OLA1: variants seen among roughly 807,000 people sequenced by gnomAD.
The protein encoded by OLA1 is obg-like ATPase 1.
Under a neutral mutation model 48.4 loss-of-function variants are expected in OLA1, and 14 were observed. The ratio of observed to expected loss-of-function variants is 0.29; its 90% CI spans 0.19 to 0.45. The LOEUF (loss-of-function observed/expected upper bound fraction) is 0.45. OLA1 is among the 20% of genes least tolerant of loss of function. The pLI, the probability that OLA1 is intolerant of heterozygous loss-of-function variation, is 1.00. For synonymous variants in OLA1, 127 were observed against 150.4 expected, an observed-to-expected ratio of 0.84 and a Z score of 1.14; for missense variants, 325 against 467.1, an observed-to-expected ratio of 0.70 and a Z score of 2.80.
chr2:174,198,694 T>C (rs1178413558), intron 4 of OLA1, among the ~76,000 whole-genome samples: 1 of 152,078 alleles, frequency 6.6e-6, no homozygotes, highest in Admixed American at 6.5e-5. Flanking sequence ...GGCACAAGAA[T>C]TGCTTGAACC....
intron 2 of OLA1, among the ~76,000 whole-genome samples, chr2:174,230,470 T>G (rs374258484): frequency 1.9e-4 from 29 of 152,322 alleles, no homozygotes; most frequent in African/African-American, 6.3e-4. Context: ...AGCACCATTC[T>G]GCATCCCCTA....
intron 7 of OLA1, among the ~76,000 whole-genome samples, chr2:174,112,786 G>A (rs1184201937): frequency 2.0e-5 from 3 of 152,002 alleles, no homozygotes. Flanking sequence ...AGGCTTCCTG[G>A]GCTCCAGAAC....
intron 7 of OLA1, among the ~76,000 whole-genome samples, chr2:174,093,002 C>G (rs1382548686): frequency 1.3e-5 from 2 of 152,222 alleles, no homozygotes; most frequent in African/African-American, 4.8e-5. Context: ...ACTTTTAGAT[C>G]ATTCCCGAAT....
At chr2:174,088,877 A>AAAATAAATAAATAAAT (rs5836449) in intron 7 of OLA1, among the ~76,000 whole-genome samples, 4 of 148,042 alleles carry the variant, frequency 2.7e-5, no homozygotes, top group Non-Finnish European at 4.4e-5. Context: ...TCCTGTCTCA[A>AAAATAAATAAATAAAT]AAATAAATAA....
At chr2:174,239,888 T>C (rs985399553) in intron 2 of OLA1, among the ~76,000 whole-genome samples, 1 of 148,150 alleles carries the variant, frequency 6.7e-6, no homozygotes, top group Non-Finnish European at 1.5e-5. Flanking sequence ...AGCGAGACTC[T>C]ATCTCAAAAA....
intron 4 of OLA1, among the ~76,000 whole-genome samples, chr2:174,213,106 T>C (rs927695697): frequency 1.3e-5 from 2 of 152,144 alleles, no homozygotes; most frequent in Admixed American, 1.3e-4. Flanking sequence ...CAAACACACA[T>C]ACACACATAC....
intron 7 of OLA1, among the ~76,000 whole-genome samples, chr2:174,099,741 C>A (rs1685347930): frequency 6.6e-6 from 1 of 152,106 alleles, no homozygotes; most frequent in Non-Finnish European, 1.5e-5. Context: ...AATAAATATT[C>A]TTGAGTGGTT....
At chr2:174,166,232 C>T (rs1687161546) in intron 4 of OLA1, among the ~76,000 whole-genome samples, 4 of 151,542 alleles carry the variant, frequency 2.6e-5, no homozygotes. Flanking sequence ...TAATTCAGAA[C>T]ATTTCAATTC....
intron 7 of OLA1, among the ~76,000 whole-genome samples, chr2:174,102,532 A>G (rs750947680): frequency 5.3e-5 from 8 of 151,882 alleles, no homozygotes; most frequent in Non-Finnish European, 1.0e-4. Context: ...AAGCACATAG[A>G]ATGAAAGTGC....
intron 7 of OLA1, 134 bp from the exon 8 acceptor site, chr2:174,082,198 T>A (rs1325957376): frequency 4.3e-6 from 4 of 936,046 alleles, no homozygotes; most frequent in Non-Finnish European, 3.2e-6. Context: ...TATATAGCTT[T>A]CCAAGGTCAA....
intron 7 of OLA1, among the ~76,000 whole-genome samples, chr2:174,113,090 GC>G (rs1391589053): frequency 6.6e-6 from 1 of 151,934 alleles, no homozygotes; most frequent in Non-Finnish European, 1.5e-5. Flanking sequence ...ACAGGTGCCC[GC>G]CACCAAGCCC....
intron 4 of OLA1, among the ~76,000 whole-genome samples, chr2:174,170,935 T>C (rs1574526016): frequency 6.6e-6 from 1 of 152,100 alleles, no homozygotes; most frequent in East Asian, 1.9e-4. Flanking sequence ...AGGTTGAAAG[T>C]AAATGGATGG....
At chr2:174,173,912 G>C (rs1302029769) in intron 4 of OLA1, among the ~76,000 whole-genome samples, 2 of 151,100 alleles carry the variant, frequency 1.3e-5, no homozygotes, top group East Asian at 3.9e-4. Context: ...CAAAATGCTA[G>C]AAAGACAAAA....
intron 4 of OLA1, among the ~76,000 whole-genome samples, chr2:174,161,715 C>T (rs925206555): frequency 3.0e-5 from 4 of 132,922 alleles, no homozygotes; most frequent in Non-Finnish European, 6.6e-5. Flanking sequence ...CACACACACA[C>T]ATAGATAGAT....
At chr2:174,244,370 A>G (rs962947524) in intron 2 of OLA1, among the ~76,000 whole-genome samples, 2 of 152,232 alleles carry the variant, frequency 1.3e-5, no homozygotes, top group Non-Finnish European at 2.9e-5. Context: ...TTAAAAGTGT[A>G]AACAGCACAC....
At chr2:174,216,749 TG>T (rs1329632587) in intron 4 of OLA1, among the ~76,000 whole-genome samples, 1 of 151,880 alleles carries the variant, frequency 6.6e-6, no homozygotes, top group Non-Finnish European at 1.5e-5. Context: ...GATCTCTCTA[TG>T]TTGACCAGGC....
chr2:174,075,568 C>T (rs1174565699), intron 10 of OLA1, 41 bp from the exon 11 acceptor site: 1 of 1,161,154 alleles, frequency 8.6e-7, no homozygotes, highest in Non-Finnish European at 1.3e-6. Flanking sequence ...TATTAGTTTA[C>T]AACTAAATAC....
chr2:174,220,938 A>G lies in OLA1; in HGVS notation c.373+2095T>C, dbSNP rs548677928. 6.6e-5 allele frequency among the ~76,000 whole-genome samples: 10 copies of G among 152,336 alleles called. No homozygotes were observed. The South Asian group carries it at 1.4e-3, about 22-fold the overall frequency. ...CACTAACATATATCTGACTGTTGAA[A>G]TTAAAGAATTATCAATTTTCATAGC... is the stretch of plus-strand genomic sequence containing the variant. On this transcript the variant is annotated intron_variant, in intron 4 of 10. Coordinates refer to ENST00000284719, the MANE Select transcript of OLA1 (RefSeq NM_013341.5).
At chr2:174,221,548 T>C (rs1253930929) in intron 4 of OLA1, among the ~76,000 whole-genome samples, 2 of 152,088 alleles carry the variant, frequency 1.3e-5, no homozygotes, top group Admixed American at 6.5e-5. Flanking sequence ...TTTCCACCCA[T>C]CAACTCACTT....
Sources: gnomAD v4.1 joint callset for allele counts (sites outside exome capture counted in the v4.1 genomes callset) on GRCh38, gnomAD v4.1.1 for gene constraint, MANE v1.5 for transcripts, NCBI Gene and HGNC (gene_info 2026-07-23, HGNC 2026-07-21) for gene names.